The following AFG3L2 variants were observed in gnomAD, a reference collection of about 807,000 sequenced individuals.
AFG3L2 encodes the protein AFG3 like matrix AAA peptidase subunit 2, also known as mitochondrial inner membrane m-AAA protease component AFG3L2.
In AFG3L2, 54 loss-of-function variants were observed where a neutral mutation model predicts 94.5. The observed-to-expected ratio is 0.57, with a 90% CI of 0.46 to 0.72. AFG3L2 has a LOEUF of 0.72. Among genes scored for constraint, AFG3L2 ranks in the 30% least tolerant of loss-of-function variants. AFG3L2 has a pLI of 0.00. For synonymous variants in AFG3L2, 377 were observed against 365.5 expected, an observed-to-expected ratio of 1.03 and a Z score of -0.36; for missense variants, 754 against 994.9, an observed-to-expected ratio of 0.76 and a Z score of 3.26.
rs911513291 is a variant in AFG3L2, at chr18:12,377,199, C to G, written c.-117G>C. On this transcript the variant is annotated 5_prime_UTR_variant, in exon 1 of 17. Coordinates refer to ENST00000269143, the MANE Select transcript of AFG3L2 (RefSeq NM_006796.3). ...AAGGCCGCCAGGCAGCGAAGCGCGCCGGCGGCTCACGGAGGAGCCCAAGCT... is the reference window on the plus strand; with the variant it reads ...AAGGCCGCCAGGCAGCGAAGCGCGCGGGCGGCTCACGGAGGAGCCCAAGCT... 2.6e-6 allele frequency: 2 copies of G among 780,890 alleles called. No individual in the cohort carries two copies. The highest frequency in any genetic ancestry group is 2.0e-6 in the Non-Finnish European group (1 of 511,516). 48.4% of individuals were successfully genotyped at this position (780,890 alleles called of 1,614,324 possible). A position where few individuals can be genotyped will look rare whatever the true frequency, so the allele number is the denominator to read the frequency against.
In AFG3L2 at chr18:12,340,242, G is replaced by A; in HGVS notation, c.1939C>T (p.Gln647Ter). ...IFFGRITTGA[Q>*]DDLRKVTQSA... The stretch of plus-strand genomic sequence containing the variant: ...TGAGTTACTTTTCTCAAGTCATCTT[G>A]AGCACCAGTTGTAATTCTTCCAAAG... The change falls in exon 15 of 17, where the codon CAA becomes TAA. Residue 647 changes from glutamine to a stop codon, truncating the protein, a stop_gained. Coordinates refer to ENST00000269143, the MANE Select transcript of AFG3L2 (RefSeq NM_006796.3). LOFTEE classifies it high-confidence loss of function. 1.2e-6 allele frequency: 2 copies of A among 1,614,036 alleles called. No homozygotes were observed. The highest frequency in any genetic ancestry group is 1.7e-6 in the Non-Finnish European group (2 of 1,180,028).
At chr18:12,363,991 GTTCC>G in intron 5 of AFG3L2, 135 bp from the exon 6 acceptor site, 1 of 735,940 alleles carries the variant, frequency 1.4e-6, no homozygotes, top group Non-Finnish European at 2.4e-6. Flanking sequence ...ATGCCCCCAT[GTTCC>G]CCCCTATAAT....
chr18:12,356,170 G>C (rs1459263273), intron 9 of AFG3L2, among the ~76,000 whole-genome samples: 2 of 103,470 alleles, frequency 1.9e-5, no homozygotes, highest in Non-Finnish European at 3.9e-5. Flanking sequence ...TTTTTTTTTT[G>C]AGACAGCGTC....
intron 14 of AFG3L2, chr18:12,342,521 T>C (rs1293256421): frequency 6.6e-6 from 1 of 152,210 alleles, no homozygotes; most frequent in Non-Finnish European, 1.5e-5. Context: ...TTAACTGTCT[T>C]TCAAAGAAAG....
Position 12,340,272 on chromosome 18 carries a change from T to C in AFG3L2, c.1909A>G (p.Ile637Val). The C allele has an allele frequency of 6.2e-7, 1 of 1,614,178 alleles. No homozygotes were observed. ...CCAGTTGTAATTCTTCCAAAGAAGA[T>C]TTCTTCAGAGACTCGACCACCTAAA... ...MTLGGRVSEEIFFGRITTGAQ... is the reference protein window; with the variant it reads ...MTLGGRVSEEVFFGRITTGAQ... The change falls in exon 15 of 17, where the codon ATC becomes GTC. Residue 637 changes from isoleucine (I) to valine (V), a missense_variant. Ile to Val is a conservative substitution (Grantham distance 29). Transcript: ENST00000269143.
intron 1 of AFG3L2, among the ~76,000 whole-genome samples, chr18:12,374,361 G>A (rs1909078081): frequency 6.6e-6 from 1 of 152,118 alleles, no homozygotes. Flanking sequence ...ATTCCTCTGG[G>A]CATCACACCT....
In AFG3L2 at chr18:12,375,411, GA is replaced by G. The variant is rs5823210; in HGVS notation, c.114+1557del. On this transcript the variant is annotated intron_variant, in intron 1 of 16. Coordinates refer to ENST00000269143, the MANE Select transcript of AFG3L2 (RefSeq NM_006796.3). ...GTCATAAGTCACTGAGCCCAGGTAAGAAAAAAAAAAAAAAAACAATTTGTAG... is the reference window on the plus strand; with the variant it reads ...GTCATAAGTCACTGAGCCCAGGTAAGAAAAAAAAAAAAAAACAATTTGTAG... Among the ~76,000 whole-genome samples the G allele has an allele frequency of 2.3e-3, 276 of 118,568 alleles. 1 individual carries two copies. The highest frequency in any genetic ancestry group is 5.7e-3 in the African/African-American group (188 of 32,784). 77.8% of individuals were successfully genotyped at this position (118,568 alleles called of 152,430 possible).
chr18:12,370,895 A>G lies in AFG3L2; in HGVS notation c.246T>C (p.Asn82=), dbSNP rs1908966632. 6 of 1,581,308 alleles carry G rather than the reference A, an allele frequency of 3.8e-6. No homozygotes were observed. The African/African-American group carries it at 4.0e-5, about 11-fold the overall frequency. Reference sequence around the variant, plus strand: ...CTTTAGGTTCACTAGCTTTTTTTCCATTTTTTCCATTAGGAAAGTATTTTT... The same window carrying G: ...CTTTAGGTTCACTAGCTTTTTTTCCGTTTTTTCCATTAGGAAAGTATTTTT... ...GFEKYFPNGK[N]GKKASEPKEV... is the part of the protein sequence containing the mutation. Residue 82 remains asparagine, a synonymous_variant, in exon 3 of 17, where the codon AAT becomes AAC. Coordinates refer to ENST00000269143, the MANE Select transcript of AFG3L2 (RefSeq NM_006796.3).
At chr18:12,352,593 G>C (rs557961045) in intron 10 of AFG3L2, among the ~76,000 whole-genome samples, 1 of 152,120 alleles carries the variant, frequency 6.6e-6, no homozygotes, top group Non-Finnish European at 1.5e-5. Context: ...GAATGAGATG[G>C]TAATTCTTTT....
At chr18:12,360,232 A>G (rs1908618191) in intron 6 of AFG3L2, 181 bp from the exon 7 acceptor site, 1 of 619,804 alleles carries the variant, frequency 1.6e-6, no homozygotes, top group Non-Finnish European at 2.7e-6. Flanking sequence ...CATTGAGAAC[A>G]CTTGGCAATT....
At chr18:12,337,203 A>T (rs1158416862) in intron 16 of AFG3L2, 138 bp downstream of exon 16, 7 of 786,050 alleles carry the variant, frequency 8.9e-6, no homozygotes, top group Non-Finnish European at 1.1e-5. Flanking sequence ...AGACAACGAA[A>T]CATCAGAACG....
chr18:12,369,617 A>C (rs1908914400), intron 3 of AFG3L2, among the ~76,000 whole-genome samples: 1 of 151,444 alleles, frequency 6.6e-6, no homozygotes, highest in South Asian at 2.1e-4. Flanking sequence ...GCTACTGTGG[A>C]GGCTGAGGCA....
chr18:12,376,359 A>ACGTATCAGGTCC (rs1909156061), intron 1 of AFG3L2, among the ~76,000 whole-genome samples: 1 of 152,232 alleles, frequency 6.6e-6, no homozygotes, highest in Non-Finnish European at 1.5e-5. Flanking sequence ...TGTCAGAAAC[A>ACGTATCAGGTCC]CGTATCAGGT....
intron 16 of AFG3L2, among the ~76,000 whole-genome samples, chr18:12,331,808 A>AATAAATATAT (rs1389928934): frequency 6.8e-5 from 10 of 146,406 alleles, no homozygotes; most frequent in African/African-American, 2.6e-4. Context: ...TAAATAAATA[A>AATAAATATAT]ATATATATAT....
At chr18:12,360,675 C>T (rs920858303) in intron 6 of AFG3L2, among the ~76,000 whole-genome samples, 9 of 152,220 alleles carry the variant, frequency 5.9e-5, no homozygotes, top group African/African-American at 1.9e-4. Flanking sequence ...CACAGGGACA[C>T]CTCAGGGGCC....
intron 5 of AFG3L2, 88 bp downstream of exon 5, chr18:12,366,877 G>A: frequency 6.5e-7 from 1 of 1,547,422 alleles, no homozygotes; most frequent in Non-Finnish European, 8.9e-7. Flanking sequence ...GACGAGCCAG[G>A]TTAACCTGCT....
intron 14 of AFG3L2, 150 bp downstream of exon 14, chr18:12,343,982 G>A: frequency 1.4e-6 from 1 of 702,488 alleles, no homozygotes; most frequent in Non-Finnish European, 2.5e-6. Context: ...GGGACGGTTT[G>A]TGCAACTATG....
At position 12,348,382 on chromosome 18, in the gene AFG3L2, A is replaced by G. The variant is rs1598827870; in HGVS notation, c.1554T>C (p.Gly518=). The change falls in exon 13 of 17, where the codon GGT becomes GGC. Residue 518 remains glycine (G), a splice_region_variant and synonymous_variant. Transcript: ENST00000269143. The part of the protein sequence containing the change: ...KLASLTPGFS[G]ADVANVCNEA... ...CATTACAGACATTAGCAACATCAGC[A>G]CCTAAAAAATGAACACAGAACAGCT... is the stretch of plus-strand genomic sequence containing the variant. 1 of 1,613,922 alleles carries G rather than the reference A, an allele frequency of 6.2e-7. No homozygotes were observed.
chr18:12,377,181 C>T lies in AFG3L2; in HGVS notation c.-99G>A. 1 of 960,192 alleles carries T rather than the reference C, an allele frequency of 1.0e-6. No individual in the cohort carries two copies. Among genetic ancestry groups the T allele is most frequent in the Non-Finnish European group, 1.5e-6 (1 of 674,660 alleles). The allele number at this position is 960,192 out of a possible 1,614,324, so 59.5% of individuals were successfully genotyped here. A position where few individuals can be genotyped will look rare whatever the true frequency, so the allele number is the denominator to read the frequency against. On this transcript the variant is annotated 5_prime_UTR_variant, in exon 1 of 17. Transcript: ENST00000269143. ...GCGGGCTCGGCTCGGGGAAAGGCCGCCAGGCAGCGAAGCGCGCCGGCGGCT... is the reference window on the plus strand; with the variant it reads ...GCGGGCTCGGCTCGGGGAAAGGCCGTCAGGCAGCGAAGCGCGCCGGCGGCT...
Sources: gnomAD v4.1 joint callset for allele counts (sites outside exome capture counted in the v4.1 genomes callset) on GRCh38, gnomAD v4.1.1 for gene constraint, MANE v1.5 for transcripts, NCBI Gene and HGNC (gene_info 2026-07-23, HGNC 2026-07-21) for gene names.